Variants in PCDHA1 observed in about 807,000 individuals in gnomAD.
PCDHA1 encodes the protein protocadherin alpha 1.
A neutral mutation model predicts 61.3 loss-of-function variants in PCDHA1; 42 were observed. The ratio of observed to expected loss-of-function variants is 0.69; its 90% CI spans 0.54 to 0.89. PCDHA1 has a LOEUF of 0.89. Among genes scored for constraint, PCDHA1 ranks in the 40% least tolerant of loss-of-function variants. The pLI is 0.00. For missense variants in PCDHA1, 1,256 were observed against 1,235.3 expected, an observed-to-expected ratio of 1.02 and a Z score of -0.25; for synonymous variants, 610 against 553.8, an observed-to-expected ratio of 1.10 and a Z score of -1.43.
At chr5:140,808,849 C>A (rs1466970963) in intron 1 of PCDHA1, 1 of 1,612,966 alleles carries the variant, frequency 6.2e-7, no homozygotes, top group Non-Finnish European at 8.5e-7. Context: ...TGCAGGTGTT[C>A]GTGCTGGACG....
chr5:140,853,135 T>C, intron 1 of PCDHA1: 2 of 687,812 alleles, frequency 2.9e-6, no homozygotes, highest in Non-Finnish European at 3.7e-6. Context: ...CGCCTCAGCC[T>C]CCCAAAATGC....
chr5:141,001,278 C>T (rs182360019), intron 3 of PCDHA1, among the ~76,000 whole-genome samples: 500 of 152,168 alleles, frequency 3.3e-3, no homozygotes, highest in Admixed American at 5.6e-3. Context: ...ACTTTTTTTA[C>T]GGATGAAAAC....
At chr5:140,840,564 T>C (rs1432242411) in intron 1 of PCDHA1, among the ~76,000 whole-genome samples, 1 of 152,054 alleles carries the variant, frequency 6.6e-6, no homozygotes, top group Non-Finnish European at 1.5e-5. Flanking sequence ...CTGCTAGAGT[T>C]TGGCATGTCA....
chr5:140,886,539 T>C (rs1463145945), intron 1 of PCDHA1, among the ~76,000 whole-genome samples: 6 of 152,154 alleles, frequency 3.9e-5, no homozygotes, highest in African/African-American at 1.4e-4. Context: ...GTTAGAAAGG[T>C]CTTCCCAGCT....
At chr5:140,804,931 C>G in intron 1 of PCDHA1, 1 of 1,113,638 alleles carries the variant, frequency 9.0e-7, no homozygotes, top group Non-Finnish European at 1.2e-6. Flanking sequence ...TTGGCACTAT[C>G]CTTTGTTGCT....
At chr5:140,800,190 T>G (rs1480612157) in intron 1 of PCDHA1, among the ~76,000 whole-genome samples, 1 of 152,108 alleles carries the variant, frequency 6.6e-6, no homozygotes, top group Admixed American at 6.5e-5. Flanking sequence ...AAATTAAACC[T>G]AATATATTCT....
At chr5:140,803,518 C>T in intron 1 of PCDHA1, 1 of 1,614,240 alleles carries the variant, frequency 6.2e-7, no homozygotes, top group African/African-American at 1.3e-5. Flanking sequence ...GCTTTTAGCC[C>T]TAGCCTTCCT....
intron 1 of PCDHA1, among the ~76,000 whole-genome samples, chr5:140,903,429 G>A (rs782504374): frequency 1.3e-5 from 2 of 152,180 alleles, no homozygotes; most frequent in Non-Finnish European, 2.9e-5. Context: ...AGCACAATAT[G>A]TATCAGTGGA....
chr5:140,810,067 G>A (rs1354949194), intron 1 of PCDHA1: 2 of 153,726 alleles, frequency 1.3e-5, no homozygotes, highest in African/African-American at 4.8e-5. Flanking sequence ...CCTGTTTTGG[G>A]AACGTTATCT....
intron 1 of PCDHA1, chr5:140,966,926 C>G (rs782811757): frequency 1.9e-6 from 3 of 1,603,462 alleles, no homozygotes; most frequent in Admixed American, 1.7e-5. Flanking sequence ...GGAGCAGGCA[C>G]CCGGCGCGCT....
At position 140,942,589 on chromosome 5, in the gene PCDHA1, T is replaced by A. The variant is rs1444015331; in HGVS notation, c.2395-36360T>A. On this transcript the variant is annotated intron_variant, in intron 1 of 3. Coordinates refer to ENST00000504120, the MANE Select transcript of PCDHA1 (RefSeq NM_018900.4). ...AAATCTTCCCATATAGGATGTCACA[T>A]ATAATTATAGTGTTTATATTTGCCA... Among the ~76,000 whole-genome samples, 4 of 148,934 alleles carry A rather than the reference T, an allele frequency of 2.7e-5. No homozygotes were observed. In the Admixed American group the frequency reaches 2.7e-4, roughly 10 times the overall value.
chr5:140,823,687 G>A, intron 1 of PCDHA1: 1 of 1,614,016 alleles, frequency 6.2e-7, no homozygotes, highest in Non-Finnish European at 8.5e-7. Context: ...CTCTCTGGAT[G>A]AGACCGAAGC....
intron 1 of PCDHA1, among the ~76,000 whole-genome samples, chr5:140,790,484 A>C (rs1761587219): frequency 1.3e-5 from 2 of 152,236 alleles, no homozygotes; most frequent in South Asian, 4.1e-4. Context: ...AGAGTATTGT[A>C]AAAAATAGGC....
intron 1 of PCDHA1, chr5:140,883,598 G>A: frequency 6.2e-7 from 1 of 1,614,008 alleles, no homozygotes; most frequent in Middle Eastern, 1.7e-4. Context: ...CGTGTCGGTG[G>A]GGGTGGCCGA....
At chr5:140,966,654 T>G (rs1048894569) in intron 1 of PCDHA1, 2 of 1,185,100 alleles carry the variant, frequency 1.7e-6, no homozygotes, top group Non-Finnish European at 2.2e-6. Flanking sequence ...GCGTGAGCGG[T>G]GGGGGAGCAG....
At chr5:140,863,510 T>G (rs782817870) in intron 1 of PCDHA1, 4 of 411,506 alleles carry the variant, frequency 9.7e-6, no homozygotes, top group Admixed American at 3.0e-5. Context: ...TTAGTCCTAG[T>G]GTTCTCCCAT....
At chr5:140,883,133 G>C in intron 1 of PCDHA1, 1 of 1,614,112 alleles carries the variant, frequency 6.2e-7, no homozygotes, top group Non-Finnish European at 8.5e-7. Flanking sequence ...ATGGCCTGCA[G>C]TGGTATATGC....
chr5:140,946,828 G>A (rs246052), intron 1 of PCDHA1, among the ~76,000 whole-genome samples: 84,737 of 150,610 alleles, frequency 0.56, 24,429 homozygotes, highest in African/African-American at 0.69. Context: ...CCAGAGATGG[G>A]TAGGGCAGTA....
chr5:140,797,019 C>G, intron 1 of PCDHA1: 2 of 1,613,680 alleles, frequency 1.2e-6, no homozygotes. Flanking sequence ...CGTGGGTGGG[C>G]GCCGCGGGCT....
Sources: gnomAD v4.1 joint callset for allele counts (sites outside exome capture counted in the v4.1 genomes callset) on GRCh38, gnomAD v4.1.1 for gene constraint, MANE v1.5 for transcripts, NCBI Gene and HGNC (gene_info 2026-07-23, HGNC 2026-07-21) for gene names.